RBM4: variants seen among roughly 807,000 people sequenced by gnomAD.
The protein encoded by RBM4 is RNA binding motif protein 4.
A neutral mutation model predicts 29.5 loss-of-function variants in RBM4; 7 were observed. That is an observed-to-expected ratio of 0.24 (90% CI 0.14 to 0.45). RBM4 has a LOEUF of 0.45. Among genes scored for constraint, RBM4 ranks in the 20% least tolerant of loss-of-function variants. The pLI, the probability that RBM4 is intolerant of heterozygous loss-of-function variation, is 1.00. For synonymous variants in RBM4, 220 were observed against 205.4 expected (o/e 1.07, Z -0.61); for missense variants, 387 against 502.3 (o/e 0.77, Z 2.19).
rs747821290 is a variant in RBM4 at position 66,653,122 on chromosome 11, C to T, written c.413-12734C>T. ...TATTCAGATATGCAACAAGATGGGACTTCTCAGTTTCACAACGTAAGGAAG... is the reference window on the plus strand; with the variant it reads ...TATTCAGATATGCAACAAGATGGGATTTCTCAGTTTCACAACGTAAGGAAG... On this transcript the variant is annotated intron_variant, in intron 2 of 2. Coordinates refer to the RBM4 transcript ENST00000396053. 3.9e-4 allele frequency among the ~76,000 whole-genome samples: 59 copies of T among 152,252 alleles called. No homozygotes were observed. The Middle Eastern group carries it at 0.014, about 35-fold the overall frequency.
At chr11:66,659,755 CAT>C (rs1445974343) in intron 2 of RBM4, among the ~76,000 whole-genome samples, 4 of 152,272 alleles carry the variant, frequency 2.6e-5, no homozygotes, top group Non-Finnish European at 4.4e-5. Context: ...GTTTATATCA[CAT>C]GTTGCCTCTT....
downstream of RBM4, among the ~76,000 whole-genome samples, chr11:66,647,348 A>T (rs961875780): frequency 2.0e-5 from 3 of 152,028 alleles, 1 homozygote; most frequent in East Asian, 1.9e-4. Context: ...TTTTTTTTTT[A>T]AATTAATTGT....
intron 2 of RBM4, among the ~76,000 whole-genome samples, chr11:66,664,430 G>A (rs1302304263): frequency 1.3e-5 from 2 of 152,034 alleles, no homozygotes; most frequent in South Asian, 2.1e-4. Flanking sequence ...GATTACAGGC[G>A]TGAGCTATCG....
chr11:66,666,252 G>GAAAAAAAA, exon 3 of RBM4: 1 of 1,023,572 alleles, frequency 9.8e-7, no homozygotes, highest in Non-Finnish European at 1.2e-6. Flanking sequence ...ATGGCTGGGG[G>GAAAAAAAA]AAAAAAAAAG....
rs759612402 is a variant in RBM4 at position 66,644,124 on chromosome 11, G to A, written c.1087G>A (p.Ala363Thr). ...GTATGCCGATCGGGCGCGGTACTCA[G>A]CCTTTTAAAGCTTGAGGTGAGAGGG... ...EQYADRARYS[A>T]F is the part of the protein sequence containing the mutation. The change falls in exon 3 of 4, where the codon GCC becomes ACC. Residue 363 changes from alanine (A) to threonine (T), a missense_variant. Ala to Thr is a moderately conservative substitution (Grantham distance 58). Around this residue, in one of 2 missense-constraint regions of RBM4, gnomAD observed 281 missense variants for 288.7 expected, o/e 0.97. Transcript: ENST00000310092. 1.2e-6 allele frequency: 2 copies of A among 1,612,172 alleles called. No individual in the cohort carries two copies. Among genetic ancestry groups the A allele is most frequent in the Non-Finnish European group, 1.7e-6 (2 of 1,178,816 alleles).
intron 2 of RBM4, chr11:66,652,422 T>C (rs1321736032): frequency 6.6e-6 from 1 of 152,118 alleles, no homozygotes; most frequent in Non-Finnish European, 1.5e-5. Context: ...AAGTGGCAAA[T>C]GGATTATGAA....
chr11:66,665,870 G>A, exon 3 of RBM4: 1 of 1,533,390 alleles, frequency 6.5e-7, no homozygotes, highest in Non-Finnish European at 8.7e-7. Flanking sequence ...GATAACCCCT[G>A]TGACAGAAGG....
intron 2 of RBM4, 103 bp downstream of exon 2, chr11:66,640,226 GGCTGGTGATGAAGAAATAA>G: frequency 6.8e-7 from 1 of 1,469,646 alleles, no homozygotes; most frequent in Non-Finnish European, 9.4e-7. Flanking sequence ...GCTGTTGGCT[GGCTGGTGATGAAGAAATAA>G]GTGTGGGTGA....
chr11:66,649,703 A>G, downstream of RBM4: 1 of 700,710 alleles, frequency 1.4e-6, no homozygotes, highest in South Asian at 1.5e-5. Flanking sequence ...CTTAGGAATA[A>G]TAAAGTACTT....
chr11:66,666,216 A>G (rs1200103295), exon 3 of RBM4: 2 of 875,982 alleles, frequency 2.3e-6, no homozygotes, highest in East Asian at 4.2e-5. Flanking sequence ...TAATCCTTCT[A>G]TTGATGATGG....
At chr11:66,659,352 G>C (rs1191152017) in intron 2 of RBM4, among the ~76,000 whole-genome samples, 7 of 137,836 alleles carry the variant, frequency 5.1e-5, no homozygotes, top group Non-Finnish European at 1.1e-4. Flanking sequence ...CTCACTGCAA[G>C]CTCCGCCCCC....
chr11:66,644,217 TG>T, intron 3 of RBM4, 77 bp downstream of exon 3: 1 of 1,499,176 alleles, frequency 6.7e-7, no homozygotes, highest in Non-Finnish European at 8.9e-7. Context: ...TAGGCTGCCC[TG>T]CTTGCTTGCT....
intron 2 of RBM4, among the ~76,000 whole-genome samples, chr11:66,657,755 T>A (rs1176019341): frequency 6.6e-6 from 1 of 151,522 alleles, no homozygotes; most frequent in African/African-American, 2.4e-5. Flanking sequence ...ACCTTTTTTT[T>A]GAGACAGGGT....
At chr11:66,666,108 T>C in exon 3 of RBM4, 1 of 802,652 alleles carries the variant, frequency 1.2e-6, no homozygotes, top group Non-Finnish European at 1.9e-6. Flanking sequence ...CACACCTACA[T>C]GTCACACTGT....
chr11:66,639,477 A>G, intron 1 of RBM4: 2 of 606,092 alleles, frequency 3.3e-6, no homozygotes, highest in South Asian at 2.2e-5. Context: ...TTGTCTACTA[A>G]GGACCTCCCT....
intron 3 of RBM4, chr11:66,644,795 A>G (rs1253523655): frequency 1.3e-6 from 1 of 779,746 alleles, no homozygotes; most frequent in Non-Finnish European, 1.6e-6. Context: ...AAGTTCCACA[A>G]GGAAGTCTGG....
chr11:66,651,440 C>T (rs776486813), downstream of RBM4, among the ~76,000 whole-genome samples: 6 of 151,934 alleles, frequency 3.9e-5, no homozygotes, highest in Non-Finnish European at 7.4e-5. Flanking sequence ...CTCCACCTCC[C>T]GGGTTCACGC....
At chr11:66,647,943 G>A (rs138037102), downstream of RBM4, among the ~76,000 whole-genome samples, 398 of 152,188 alleles carry the variant, frequency 2.6e-3, 1 homozygote, top group African/African-American at 8.8e-3. Flanking sequence ...GGTGGCTCAC[G>A]CCTGTAATCT....
In RBM4 at chr11:66,645,911, A is replaced by G. The variant is rs1272108434; in HGVS notation, c.*9-116A>G. On this transcript the variant is annotated intron_variant, in intron 3 of 3. Coordinates refer to ENST00000310092, the MANE Select transcript of RBM4 (RefSeq NM_002896.4). ...TACTGTGATACTGGGGGAGAAGGGTACAAGTAAACTTAAAAGGAGTGTCAA... is the reference window on the plus strand; with the variant it reads ...TACTGTGATACTGGGGGAGAAGGGTGCAAGTAAACTTAAAAGGAGTGTCAA... The G allele has an allele frequency of 5.3e-6, 8 of 1,509,288 alleles. No homozygotes were observed. In the South Asian group the frequency reaches 8.5e-5, roughly 16 times the overall value. 93.5% of individuals were successfully genotyped at this position (1,509,288 alleles called of 1,614,324 possible).
Sources: gnomAD v4.1 joint callset for allele counts (sites outside exome capture counted in the v4.1 genomes callset) on GRCh38, gnomAD v4.1.1 for gene constraint, gnomAD v4.1.1 regional missense constraint, MANE v1.5 for transcripts, NCBI Gene and HGNC (gene_info 2026-07-23, HGNC 2026-07-21) for gene names.